The following CLPB variants were observed in gnomAD, a reference collection of about 807,000 sequenced individuals.
CLPB encodes mitochondrial disaggregase.
In CLPB, 40 loss-of-function variants were observed where a neutral mutation model predicts 78.4. The ratio of observed to expected loss-of-function variants is 0.51; its 90% CI spans 0.40 to 0.66. CLPB has a LOEUF of 0.66. CLPB is among the 30% of genes least tolerant of loss of function. The probability of loss-of-function intolerance (pLI) is 0.00; values close to 1 mark genes in which losing one functional copy is unlikely to be tolerated. For synonymous variants in CLPB, 333 were observed against 348.0 expected (o/e 0.96, Z 0.48); for missense variants, 780 against 886.9 (o/e 0.88, Z 1.53).
At chr11:72,375,001 G>A (rs1256739746) in intron 4 of CLPB, among the ~76,000 whole-genome samples, 1 of 152,158 alleles carries the variant, frequency 6.6e-6, no homozygotes, top group Non-Finnish European at 1.5e-5. Flanking sequence ...GGAAACTGAG[G>A]TGTCACCATG....
At chr11:72,333,834 G>A (rs1950271659) in intron 5 of CLPB, among the ~76,000 whole-genome samples, 1 of 152,204 alleles carries the variant, frequency 6.6e-6, no homozygotes, top group African/African-American at 2.4e-5. Flanking sequence ...GTGGCAGACA[G>A]CATCCTCCCC....
intron 4 of CLPB, among the ~76,000 whole-genome samples, chr11:72,369,965 G>A (rs1451563143): frequency 6.6e-6 from 1 of 152,082 alleles, no homozygotes; most frequent in African/African-American, 2.4e-5. Flanking sequence ...CAGCTCGACC[G>A]TCATCTGTAA....
intron 4 of CLPB, among the ~76,000 whole-genome samples, chr11:72,377,159 T>C (rs1854732263): frequency 6.6e-6 from 1 of 152,240 alleles, no homozygotes; most frequent in African/African-American, 2.4e-5. Context: ...CTTAAAATTT[T>C]GTGAACAAAG....
intron 4 of CLPB, among the ~76,000 whole-genome samples, chr11:72,365,512 C>T (rs1950926144): frequency 6.6e-6 from 1 of 152,106 alleles, no homozygotes; most frequent in African/African-American, 2.4e-5. Context: ...ATAGTTTGCA[C>T]AACTCTTGTG....
chr11:72,381,755 C>T (rs539933403), intron 3 of CLPB, among the ~76,000 whole-genome samples: 3 of 152,098 alleles, frequency 2.0e-5, no homozygotes, highest in Admixed American at 6.5e-5. Flanking sequence ...CCACACAGCT[C>T]AGAGCTTTAG....
At chr11:72,359,103 A>T (rs1458506918) in intron 4 of CLPB, 95 bp from the exon 5 acceptor site, 1 of 1,575,102 alleles carries the variant, frequency 6.3e-7, no homozygotes, top group Non-Finnish European at 8.7e-7. Context: ...TCACTCACTC[A>T]TCTACCTACT....
chr11:72,371,219 A>G (rs983074913), intron 4 of CLPB, among the ~76,000 whole-genome samples: 2 of 152,012 alleles, frequency 1.3e-5, no homozygotes, highest in Non-Finnish European at 2.9e-5. Context: ...ACAACCCACT[A>G]CACCTGGCTA....
intron 2 of CLPB, among the ~76,000 whole-genome samples, chr11:72,409,281 G>T (rs887772751): frequency 6.6e-6 from 1 of 152,054 alleles, no homozygotes; most frequent in Non-Finnish European, 1.5e-5. Context: ...AGAGTAGACC[G>T]CATTAGAAGT....
chr11:72,302,073 AACAG>A, intron 10 of CLPB, 109 bp from the exon 11 acceptor site: 1 of 1,257,222 alleles, frequency 8.0e-7, no homozygotes, highest in South Asian at 1.4e-5. Context: ...TGCCTCTCTC[AACAG>A]AGATGATTGG....
chr11:72,382,351 CCT>C (rs1854941709), intron 3 of CLPB, among the ~76,000 whole-genome samples: 1 of 152,218 alleles, frequency 6.6e-6, no homozygotes, highest in African/African-American at 2.4e-5. Context: ...CAGACCAACC[CCT>C]GTGGACTTAG....
intron 5 of CLPB, among the ~76,000 whole-genome samples, chr11:72,335,554 C>T (rs1278972546): frequency 6.6e-6 from 1 of 152,202 alleles, no homozygotes; most frequent in Non-Finnish European, 1.5e-5. Context: ...ACCTGTTCAT[C>T]TTTTAAGACT....
chr11:72,414,984 G>C (rs1017011311), intron 2 of CLPB, among the ~76,000 whole-genome samples: 1 of 152,172 alleles, frequency 6.6e-6, no homozygotes, highest in African/African-American at 2.4e-5. Flanking sequence ...TTGAGAGGCC[G>C]AGGTGGGTGG....
intron 6 of CLPB, among the ~76,000 whole-genome samples, chr11:72,317,963 C>G (rs1446236146): frequency 6.6e-6 from 1 of 152,228 alleles, no homozygotes; most frequent in Admixed American, 6.5e-5. Context: ...TCAGGCAGCT[C>G]AAAGTCAGGA....
intron 2 of CLPB, among the ~76,000 whole-genome samples, chr11:72,405,066 C>T (rs994906116): frequency 5.9e-5 from 9 of 152,216 alleles, no homozygotes; most frequent in Non-Finnish European, 7.3e-5. Flanking sequence ...CTCTGACCCT[C>T]AGTCCAAGAG....
chr11:72,310,851 C>T (rs1168539796), intron 7 of CLPB: 1 of 152,138 alleles, frequency 6.6e-6, no homozygotes, highest in Non-Finnish European at 1.5e-5. Flanking sequence ...GAGCTGCACA[C>T]TGCTGGGCTG....
intron 9 of CLPB, chr11:72,304,250 C>T (rs1360302373): frequency 6.6e-6 from 1 of 152,212 alleles, no homozygotes; most frequent in Non-Finnish European, 1.5e-5. Flanking sequence ...TTGCTTACCA[C>T]ATGCCAAGAA....
intron 3 of CLPB, among the ~76,000 whole-genome samples, chr11:72,392,073 G>A (rs898452697): frequency 5.9e-5 from 9 of 152,032 alleles, no homozygotes; most frequent in South Asian, 2.1e-4. Context: ...TGGGCCAGGC[G>A]CGTGTCAAAG....
intron 3 of CLPB, among the ~76,000 whole-genome samples, chr11:72,398,343 T>C (rs1229856107): frequency 2.0e-5 from 3 of 152,120 alleles, no homozygotes; most frequent in Non-Finnish European, 1.5e-5. Flanking sequence ...ACATCAAAGT[T>C]TGCACCACAC....
chr11:72,394,603 G>A (rs1013189913), intron 3 of CLPB, among the ~76,000 whole-genome samples: 3 of 152,192 alleles, frequency 2.0e-5, no homozygotes, highest in Non-Finnish European at 4.4e-5. Flanking sequence ...AGTTGCCTGA[G>A]GTTGAGGCAT....
Sources: gnomAD v4.1 joint callset for allele counts (sites outside exome capture counted in the v4.1 genomes callset) on GRCh38, gnomAD v4.1.1 for gene constraint, MANE v1.5 for transcripts, NCBI Gene and HGNC (gene_info 2026-07-23, HGNC 2026-07-21) for gene names.